Variants in RAB2B observed in about 807,000 individuals in gnomAD.
RAB2B encodes the protein RAB2B, member RAS oncogene family.
RAB2B carries 20 observed loss-of-function variants against 29.8 expected under a neutral mutation model. The observed-to-expected ratio is 0.67, with a 90% CI of 0.47 to 0.97. The LOEUF (loss-of-function observed/expected upper bound fraction) is 0.97. Ranked by LOEUF, RAB2B falls within the 50% of genes least tolerant of loss-of-function variation. RAB2B has a pLI of 0.00. For missense variants in RAB2B, 218 were observed against 272.0 expected, an observed-to-expected ratio of 0.80 and a Z score of 1.40; for synonymous variants, 93 against 91.7, an observed-to-expected ratio of 1.01 and a Z score of -0.08.
chr14:21,470,993 CAAAA>C (rs869211285), intron 3 of RAB2B, among the ~76,000 whole-genome samples: 9 of 98,764 alleles, frequency 9.1e-5, no homozygotes, highest in African/African-American at 3.9e-4. Context: ...GCTAAAAATA[CAAAA>C]AAAAAAAAAA....
chr14:21,474,640 G>T (rs149529503), intron 3 of RAB2B: 64 of 472,096 alleles, frequency 1.4e-4, no homozygotes, highest in African/African-American at 1.1e-3. Context: ...TATATTGTTT[G>T]ATTTTATTTT....
intron 6 of RAB2B, among the ~76,000 whole-genome samples, chr14:21,462,693 A>T (rs892290214): frequency 2.0e-5 from 3 of 151,878 alleles, no homozygotes; most frequent in African/African-American, 7.3e-5. Context: ...TACAAAAATC[A>T]GCCGGGCGTG....
chr14:21,476,728 C>A (rs1249524711), intron 1 of RAB2B, 99 bp downstream of exon 1: 2 of 1,535,250 alleles, frequency 1.3e-6, no homozygotes, highest in Non-Finnish European at 1.8e-6. Flanking sequence ...CCGCCCGTCT[C>A]GAATCGCCCA....
chr14:21,459,487 G>C lies in RAB2B; in HGVS notation c.*1709C>G, dbSNP rs1047525070. The C allele has an allele frequency of 6.6e-6, 1 of 152,098 alleles. No individual in the cohort carries two copies. Among genetic ancestry groups the C allele is most frequent in the East Asian group, 1.9e-4 (1 of 5,194 alleles). The allele number at this position is 152,098 out of a possible 1,614,324, so 9.4% of individuals were successfully genotyped here. ...AATGAACACATAATGAGTAGCACTA[G>C]GCACTGTAAAGGAATGATAGGGGGA... On this transcript the variant is annotated 3_prime_UTR_variant, in exon 8 of 8. Transcript: ENST00000397762.
At chr14:21,463,807 T>A in intron 5 of RAB2B, 40 bp from the exon 6 acceptor site, 3 of 1,325,050 alleles carry the variant, frequency 2.3e-6, no homozygotes, top group South Asian at 2.5e-5. Context: ...AAAAAAAAGA[T>A]CCAAGTGAAA....
chr14:21,474,786 C>T (rs1890907564), intron 3 of RAB2B, 81 bp downstream of exon 3: 2 of 1,136,266 alleles, frequency 1.8e-6, no homozygotes, highest in Admixed American at 1.7e-5. Flanking sequence ...TAGTTCCACC[C>T]TCATCGCCCC....
At position 21,462,412 on chromosome 14, in the gene RAB2B, T is replaced by C. The variant is rs1890579998; in HGVS notation, c.481A>G (p.Ile161Val). ...KTACNVEEAFINTAKEIYRKI... is the reference protein window; with the variant it reads ...KTACNVEEAFVNTAKEIYRKI... The stretch of plus-strand genomic sequence containing the variant: ...CTATATATTTCTTTGGCTGTGTTAA[T>C]GAAGGCCTGAAAGAGACATAAATCG... The change falls in exon 7 of 8, where the codon ATT (isoleucine) becomes GTT (valine). Residue 161 changes from isoleucine to valine, a missense_variant. Ile to Val is a conservative substitution (Grantham distance 29). Coordinates refer to ENST00000397762, the MANE Select transcript of RAB2B (RefSeq NM_032846.4). 3 of 1,613,184 alleles carry C rather than the reference T, an allele frequency of 1.9e-6. No individual in the cohort carries two copies. Among genetic ancestry groups the C allele is most frequent in the Middle Eastern group, 1.7e-4 (1 of 6,060 alleles).
At chr14:21,470,283 A>T (rs1018753300) in intron 3 of RAB2B, among the ~76,000 whole-genome samples, 3 of 152,080 alleles carry the variant, frequency 2.0e-5, no homozygotes, top group Admixed American at 2.0e-4. Context: ...GGGGAAAATG[A>T]GGCTCACACA....
In RAB2B at chr14:21,461,078, G is replaced by A; in HGVS notation, c.*118C>T. ...TCTCTCCTGGTCTTTAGGTGGAAAG[G>A]CAAAACATCACACTTTAAAAAGAGG... On this transcript the variant is annotated 3_prime_UTR_variant, in exon 8 of 8. Transcript: ENST00000397762. The A allele has an allele frequency of 1.3e-6, 1 of 741,310 alleles. No homozygotes were observed. The highest frequency in any genetic ancestry group is 2.3e-6 in the Non-Finnish European group (1 of 442,024). The allele number at this position is 741,310 out of a possible 1,614,324, so 45.9% of individuals were successfully genotyped here. A position where few individuals can be genotyped will look rare whatever the true frequency, so the allele number is the denominator to read the frequency against.
chr14:21,462,300 G>T, intron 7 of RAB2B, 50 bp downstream of exon 7: 2 of 1,505,562 alleles, frequency 1.3e-6, no homozygotes, highest in Middle Eastern at 1.7e-4. Flanking sequence ...ACCTCCAGTT[G>T]TATTCAGAAC....
rs2139588828 is a variant in RAB2B, at chr14:21,460,493, G to A, written c.*703C>T. On this transcript the variant is annotated 3_prime_UTR_variant, in exon 8 of 8. Coordinates refer to ENST00000397762, the MANE Select transcript of RAB2B (RefSeq NM_032846.4). ...CCAGCTACTCGGGAGGTTGAGGCAG[G>A]AGAACTGCTTGAACCTGGAAAGTGG... 1 of 272,056 alleles carries A rather than the reference G, an allele frequency of 3.7e-6. No homozygotes were observed. Among genetic ancestry groups the A allele is most frequent in the East Asian group, 8.9e-5 (1 of 11,252 alleles). 16.9% of individuals were successfully genotyped at this position (272,056 alleles called of 1,614,324 possible). A position where few individuals can be genotyped will look rare whatever the true frequency, so the allele number is the denominator to read the frequency against.
At chr14:21,469,931 C>T (rs1033633084) in intron 3 of RAB2B, among the ~76,000 whole-genome samples, 1 of 150,600 alleles carries the variant, frequency 6.6e-6, no homozygotes, top group Admixed American at 6.6e-5. Flanking sequence ...ACCCTGGGGC[C>T]GATATTATTA....
intron 5 of RAB2B, among the ~76,000 whole-genome samples, chr14:21,466,257 G>A (rs1413289974): frequency 6.6e-6 from 1 of 152,206 alleles, no homozygotes; most frequent in Non-Finnish European, 1.5e-5. Flanking sequence ...GGCCGAGGCA[G>A]GCGGATCGCC....
intron 5 of RAB2B, among the ~76,000 whole-genome samples, chr14:21,464,718 G>A (rs1890647037): frequency 6.6e-6 from 1 of 152,042 alleles, no homozygotes; most frequent in Admixed American, 6.6e-5. Flanking sequence ...ATAAAAGGCT[G>A]CAGAGCTGGG....
Position 21,474,522 on chromosome 14 carries a change from C to T in RAB2B, c.186+345G>A, listed in dbSNP as rs529979901. The stretch of plus-strand genomic sequence containing the variant: ...TGCATAGAAAAAGTCTGAAAGCATA[C>T]ACGTGGAATCATCAGTAATGATTTC... On this transcript the variant is annotated intron_variant, in intron 3 of 7. Coordinates refer to ENST00000397762, the MANE Select transcript of RAB2B (RefSeq NM_032846.4). The T allele has an allele frequency of 2.0e-5, 5 of 244,502 alleles. No individual in the cohort carries two copies. In the East Asian group the frequency reaches 5.0e-4, roughly 25 times the overall value. 15.1% of individuals were successfully genotyped at this position (244,502 alleles called of 1,614,324 possible).
intron 5 of RAB2B, among the ~76,000 whole-genome samples, chr14:21,467,661 G>C (rs770778970): frequency 3.1e-4 from 47 of 152,130 alleles, no homozygotes; most frequent in Non-Finnish European, 1.5e-5. Context: ...AAATGGTATG[G>C]TGGTTCTTCA....
intron 2 of RAB2B, among the ~76,000 whole-genome samples, chr14:21,475,753 T>C (rs1049917299): frequency 4.6e-5 from 7 of 152,226 alleles, no homozygotes; most frequent in Non-Finnish European, 1.0e-4. Context: ...GCCAAATCCT[T>C]TTCTAACCCC....
chr14:21,472,518 A>T (rs1027468109), intron 3 of RAB2B, among the ~76,000 whole-genome samples: 1 of 152,234 alleles, frequency 6.6e-6, no homozygotes, highest in Non-Finnish European at 1.5e-5. Context: ...AAAAGGCGAC[A>T]GACTAGATGG....
In RAB2B at chr14:21,471,473, C is replaced by T. The variant is rs142533041; in HGVS notation, c.187-2721G>A. ...CTCTAAAAAAAATACAAAAAATTAG[C>T]CAGGTGTGATGGCACACATCTGTAG... On this transcript the variant is annotated intron_variant, in intron 3 of 7. Coordinates refer to ENST00000397762, the MANE Select transcript of RAB2B (RefSeq NM_032846.4). 2.2e-3 allele frequency among the ~76,000 whole-genome samples: 334 copies of T among 151,934 alleles called. 1 individual carries two copies. Among genetic ancestry groups the T allele is most frequent in the African/African-American group, 7.7e-3 (318 of 41,414 alleles).
Sources: allele counts gnomAD v4.1 joint callset (sites outside exome capture counted in the v4.1 genomes callset), GRCh38; gene constraint gnomAD v4.1.1; transcripts MANE v1.5; gene names NCBI Gene and HGNC (gene_info 2026-07-23, HGNC 2026-07-21).